The following GRID2 variants were observed in gnomAD, a reference collection of about 807,000 sequenced individuals.
The protein encoded by GRID2 is glutamate receptor ionotropic, delta-2.
A neutral mutation model predicts 114.8 loss-of-function variants in GRID2; 33 were observed. The observed-to-expected ratio is 0.29, with a 90% confidence interval of 0.22 to 0.38. GRID2 has a LOEUF of 0.38. Among genes scored for constraint, GRID2 ranks in the 10% least tolerant of loss-of-function variants. The probability of loss-of-function intolerance (pLI) is 1.00; values close to 1 mark genes in which losing one functional copy is unlikely to be tolerated. For missense variants in GRID2, 1,184 were observed against 1,257.7 expected (o/e 0.94, Z 0.89); for synonymous variants, 505 against 449.9 (o/e 1.12, Z -1.55).
intron 8 of GRID2, among the ~76,000 whole-genome samples, chr4:93,353,973 T>G (rs1196892510): frequency 6.6e-6 from 1 of 151,938 alleles, no homozygotes; most frequent in Non-Finnish European, 1.5e-5. Flanking sequence ...TGTTGAATTA[T>G]CGATGGTTTA....
At chr4:92,442,600 G>A (rs572484543) in intron 1 of GRID2, among the ~76,000 whole-genome samples, 13 of 152,114 alleles carry the variant, frequency 8.5e-5, no homozygotes, top group South Asian at 8.3e-4. Context: ...ATCCTGTTGT[G>A]GGGTTTGAGG....
At chr4:92,691,286 T>C (rs1482319177) in intron 2 of GRID2, among the ~76,000 whole-genome samples, 1 of 152,140 alleles carries the variant, frequency 6.6e-6, no homozygotes, top group Admixed American at 6.5e-5. Flanking sequence ...TTTCTTTATA[T>C]GTAACTTTGC....
intron 14 of GRID2, among the ~76,000 whole-genome samples, chr4:93,645,615 G>T (rs974661912): frequency 1.3e-5 from 2 of 152,096 alleles, no homozygotes; most frequent in Non-Finnish European, 2.9e-5. Flanking sequence ...AGCACATCAT[G>T]TTGCCTGTCT....
chr4:92,999,203 G>T (rs560078770), intron 2 of GRID2, among the ~76,000 whole-genome samples: 1 of 151,834 alleles, frequency 6.6e-6, no homozygotes, highest in Non-Finnish European at 1.5e-5. Flanking sequence ...ATTTGCATGC[G>T]TTATTCTTGT....
intron 8 of GRID2, among the ~76,000 whole-genome samples, chr4:93,359,636 T>G (rs1040105860): frequency 1.3e-5 from 2 of 151,058 alleles, no homozygotes; most frequent in Admixed American, 1.3e-4. Flanking sequence ...GTTTTGATTT[T>G]TAGATCACAA....
chr4:93,795,329 G>A (rs1578799188), intron 1 of GRID2, among the ~76,000 whole-genome samples: 2 of 151,890 alleles, frequency 1.3e-5, no homozygotes, highest in African/African-American at 4.8e-5. Flanking sequence ...TGAAGAAAAA[G>A]ACTATGTAAG....
At chr4:92,525,608 CAGA>C (rs549653997) in intron 1 of GRID2, among the ~76,000 whole-genome samples, 3 of 152,068 alleles carry the variant, frequency 2.0e-5, no homozygotes, top group Non-Finnish European at 4.4e-5. Context: ...TTTAGAAAAA[CAGA>C]AGAAGCCTCC....
At chr4:93,300,959 C>G (rs1280352219) in intron 8 of GRID2, among the ~76,000 whole-genome samples, 1 of 152,198 alleles carries the variant, frequency 6.6e-6, no homozygotes, top group Non-Finnish European at 1.5e-5. Context: ...CTATGAATAA[C>G]ATCAGTTTCT....
Position 93,207,387 on chromosome 4 carries a change from T to C in GRID2, c.736-17T>C. ...ATGATTAATTTTGACTGATAGCTGA[T>C]TTGTTTTCTATTCTAGGTTGTGGAG... is the stretch of plus-strand genomic sequence containing the variant. On this transcript the variant is annotated splice_polypyrimidine_tract_variant and intron_variant, in intron 4 of 15. Coordinates refer to ENST00000282020, the MANE Select transcript of GRID2 (RefSeq NM_001510.4). The C allele has an allele frequency of 1.3e-6, 2 of 1,567,028 alleles. No individual in the cohort carries two copies. Among genetic ancestry groups the C allele is most frequent in the Non-Finnish European group, 1.8e-6 (2 of 1,137,566 alleles).
intron 1 of GRID2, among the ~76,000 whole-genome samples, chr4:92,328,462 A>G (rs527979455): frequency 6.6e-6 from 1 of 152,174 alleles, no homozygotes; most frequent in African/African-American, 2.4e-5. Context: ...TGTTTCTGTT[A>G]TATGTGGTTA....
intron 13 of GRID2, among the ~76,000 whole-genome samples, chr4:93,553,879 A>G (rs1383327762): frequency 6.6e-6 from 1 of 152,130 alleles, no homozygotes; most frequent in Non-Finnish European, 1.5e-5. Flanking sequence ...ATTTTTTGCC[A>G]TGGATATTAT....
At chr4:93,719,351 T>C (rs1467936834) in intron 14 of GRID2, among the ~76,000 whole-genome samples, 2 of 152,084 alleles carry the variant, frequency 1.3e-5, no homozygotes, top group Admixed American at 1.3e-4. Context: ...TTTCTAATCT[T>C]GGGTTAGAAT....
At chr4:93,419,074 C>CTTTTTTTTTTTTTTTTTTTTTTTTCT (rs58832079) in intron 9 of GRID2, among the ~76,000 whole-genome samples, 3 of 109,526 alleles carry the variant, frequency 2.7e-5, no homozygotes, top group African/African-American at 4.2e-5. Flanking sequence ...CATGATTTTC[C>CTTTTTTTTTTTTTTTTTTTTTTTTCT]TTTTTTTTTT....
At chr4:92,381,088 G>C (rs1049778265) in intron 1 of GRID2, among the ~76,000 whole-genome samples, 4 of 151,894 alleles carry the variant, frequency 2.6e-5, no homozygotes, top group African/African-American at 9.7e-5. Context: ...AAATATAGTA[G>C]ATACCATACA....
chr4:92,861,910 T>C (rs930528021), intron 2 of GRID2, among the ~76,000 whole-genome samples: 1 of 152,056 alleles, frequency 6.6e-6, no homozygotes, highest in South Asian at 2.1e-4. Flanking sequence ...CTTATCACTT[T>C]ATATAATTAT....
rs185675220 is a variant in GRID2 at position 93,051,789 on chromosome 4, A to G, written c.245-33206A>G. Among the ~76,000 whole-genome samples, 450 of 152,100 alleles carry G rather than the reference A, an allele frequency of 3.0e-3. 3 individuals carry two copies. Among genetic ancestry groups the G allele is most frequent in the African/African-American group, 0.011 (439 of 41,540 alleles). ...CTGAAATGTTTCGTTAAAACTGTAC[A>G]TGCTGCCACAACTAACAAAGAGCAA... On this transcript the variant is annotated intron_variant, in intron 2 of 15. Transcript: ENST00000282020.
chr4:93,671,686 A>C (rs1724432838), intron 14 of GRID2, among the ~76,000 whole-genome samples: 1 of 152,150 alleles, frequency 6.6e-6, no homozygotes, highest in African/African-American at 2.4e-5. Flanking sequence ...AAAATGAACC[A>C]GGTTGGGCGC....
intron 1 of GRID2, among the ~76,000 whole-genome samples, chr4:92,370,228 G>A (rs1256251266): frequency 3.9e-5 from 6 of 152,168 alleles, no homozygotes; most frequent in Non-Finnish European, 8.8e-5. Context: ...AGGGAGCCAT[G>A]AATTTCACCC....
chr4:92,342,715 A>T (rs1257709459), intron 1 of GRID2, among the ~76,000 whole-genome samples: 1 of 152,256 alleles, frequency 6.6e-6, no homozygotes, highest in Non-Finnish European at 1.5e-5. Context: ...TAAAGTGAGT[A>T]TATTGATTGT....
Sources: allele counts gnomAD v4.1 joint callset (sites outside exome capture counted in the v4.1 genomes callset), GRCh38; gene constraint gnomAD v4.1.1; transcripts MANE v1.5; gene names NCBI Gene and HGNC (gene_info 2026-07-23, HGNC 2026-07-21).